CUL5: variants seen among roughly 807,000 people sequenced by gnomAD.
The protein encoded by CUL5 is cullin 5.
Under a neutral mutation model 108.8 loss-of-function variants are expected in CUL5, and 26 were observed. The ratio of observed to expected loss-of-function variants is 0.24; its 90% CI spans 0.18 to 0.33. CUL5 has a LOEUF of 0.33. Ranked by LOEUF, CUL5 falls within the 10% of genes least tolerant of loss-of-function variation. CUL5 has a pLI of 1.00. For synonymous variants in CUL5, 334 were observed against 298.0 expected (o/e 1.12, Z -1.25); for missense variants, 524 against 909.2 (o/e 0.58, Z 5.45).
At chr11:108,048,397 G>A (rs7947410) in intron 3 of CUL5, among the ~76,000 whole-genome samples, 90,164 of 152,060 alleles carry the variant, frequency 0.59, 28,175 homozygotes, top group East Asian at 0.9. Context: ...TAATGCAGCA[G>A]CAGTGGGCTG....
At chr11:108,034,527 CA>C (rs1362823080) in intron 2 of CUL5, among the ~76,000 whole-genome samples, 1 of 152,154 alleles carries the variant, frequency 6.6e-6, no homozygotes. Context: ...GATGCAGTCT[CA>C]GGGGTGCTGG....
intron 9 of CUL5, among the ~76,000 whole-genome samples, chr11:108,073,163 C>CT (rs1863865161): frequency 6.6e-6 from 1 of 150,420 alleles, no homozygotes; most frequent in Non-Finnish European, 1.5e-5. Flanking sequence ...GAAGGTGCCA[C>CT]TGCACTCCAG....
rs767387694 is a variant in CUL5, at chr11:108,009,339, G to T, written c.-10G>T. On this transcript the variant is annotated 5_prime_UTR_variant, in exon 1 of 19. Coordinates refer to ENST00000393094, the MANE Select transcript of CUL5 (RefSeq NM_003478.6). The stretch of plus-strand genomic sequence containing the variant: ...CTCGCGTCGTCTCGCGAGAGTCCAA[G>T]TTAAAGAACATGGCGACGTCTAATC... 1.9e-6 allele frequency: 3 copies of T among 1,613,626 alleles called. No individual in the cohort carries two copies. The highest frequency in any genetic ancestry group is 1.7e-5 in the Admixed American group (1 of 59,996).
chr11:108,055,581 A>G (rs1863353232), intron 7 of CUL5, among the ~76,000 whole-genome samples: 1 of 151,880 alleles, frequency 6.6e-6, no homozygotes, highest in African/African-American at 2.4e-5. Flanking sequence ...AGTAGCTGGG[A>G]CTACAGGCAC....
Position 108,026,493 on chromosome 11 carries a change from G to T in CUL5, c.25-7309G>T, listed in dbSNP as rs1862454163. On this transcript the variant is annotated intron_variant, in intron 1 of 18. Coordinates refer to ENST00000393094, the MANE Select transcript of CUL5 (RefSeq NM_003478.6). ...TCAGAGTCGTACGACATCTATCCTT[G>T]TACCAGCACCTACATGTACATTCTT... Among the ~76,000 whole-genome samples the T allele has an allele frequency of 4.6e-5, 7 of 152,034 alleles. No individual in the cohort carries two copies. The South Asian group carries it at 1.4e-3, about 31-fold the overall frequency.
At chr11:108,100,351 T>A (rs71464788) in intron 18 of CUL5, among the ~76,000 whole-genome samples, 15,335 of 151,894 alleles carry the variant, frequency 0.1, 1,007 homozygotes, top group Non-Finnish European at 0.15. Flanking sequence ...AAGACCAGCC[T>A]AGCCAACATG....
intron 1 of CUL5, among the ~76,000 whole-genome samples, chr11:108,025,938 C>G (rs1381611692): frequency 6.6e-6 from 1 of 152,118 alleles, no homozygotes; most frequent in Non-Finnish European, 1.5e-5. Context: ...GCGCTCACCT[C>G]ATTTGTTTTT....
intron 18 of CUL5, among the ~76,000 whole-genome samples, chr11:108,100,929 T>C (rs1864645752): frequency 6.6e-6 from 1 of 152,038 alleles, no homozygotes; most frequent in African/African-American, 2.4e-5. Flanking sequence ...CCCAGGAGGC[T>C]GAGGCAGGGG....
At chr11:108,011,953 ACT>A (rs1191930157) in intron 1 of CUL5, among the ~76,000 whole-genome samples, 1 of 151,864 alleles carries the variant, frequency 6.6e-6, no homozygotes, top group African/African-American at 2.4e-5. Flanking sequence ...TTGGAATTTG[ACT>A]CTAATAATTT....
chr11:108,030,458 A>T (rs1862552094), intron 1 of CUL5, among the ~76,000 whole-genome samples: 1 of 152,130 alleles, frequency 6.6e-6, no homozygotes, highest in Non-Finnish European at 1.5e-5. Context: ...ATGAACACAG[A>T]GAAACCCCGT....
chr11:108,082,932 T>G (rs1325295047), intron 11 of CUL5, among the ~76,000 whole-genome samples: 1 of 152,196 alleles, frequency 6.6e-6, no homozygotes, highest in African/African-American at 2.4e-5. Flanking sequence ...CAACCACAAA[T>G]AATTTTTATG....
intron 1 of CUL5, among the ~76,000 whole-genome samples, chr11:108,013,518 CT>C (rs1370086010): frequency 6.6e-6 from 1 of 152,136 alleles, no homozygotes; most frequent in Non-Finnish European, 1.5e-5. Flanking sequence ...TGCGTACACA[CT>C]CCTACTTAGC....
chr11:108,088,208 T>C (rs1259280947), intron 11 of CUL5, among the ~76,000 whole-genome samples: 2 of 152,124 alleles, frequency 1.3e-5, no homozygotes, highest in Non-Finnish European at 2.9e-5. Context: ...TCTAAAGTAT[T>C]TTAACAGATT....
chr11:108,099,574 T>C (rs1217541902), intron 18 of CUL5, among the ~76,000 whole-genome samples: 2 of 152,214 alleles, frequency 1.3e-5, no homozygotes, highest in Non-Finnish European at 2.9e-5. Flanking sequence ...AGCTCTTTTT[T>C]TGTTGCTAAA....
At chr11:108,096,999 C>G (rs1864518777) in intron 16 of CUL5, among the ~76,000 whole-genome samples, 1 of 152,114 alleles carries the variant, frequency 6.6e-6, no homozygotes, top group Admixed American at 6.6e-5. Context: ...TTTATTACTA[C>G]TCCATAGACC....
At chr11:108,071,139 C>T (rs762931440) in intron 8 of CUL5, among the ~76,000 whole-genome samples, 7 of 152,082 alleles carry the variant, frequency 4.6e-5, no homozygotes, top group African/African-American at 4.8e-5. Flanking sequence ...TAGTTGCTTT[C>T]GTAATTATTA....
intron 1 of CUL5, among the ~76,000 whole-genome samples, chr11:108,028,464 C>T (rs1862501902): frequency 6.6e-6 from 1 of 152,202 alleles, no homozygotes; most frequent in Non-Finnish European, 1.5e-5. Flanking sequence ...GCTTCCTAAT[C>T]CTACACCCAG....
In CUL5 at chr11:108,106,650, A is replaced by C. The variant is rs1424166237; in HGVS notation, c.*2266A>C. On this transcript the variant is annotated 3_prime_UTR_variant, in exon 19 of 19. Transcript: ENST00000393094. ...GCCATTGTTAAATTTTCTTTAAGTA[A>C]TTTAACAACAGATTTGCTAATTTAA... is the stretch of plus-strand genomic sequence containing the variant. 1 of 150,856 alleles carries C rather than the reference A, an allele frequency of 6.6e-6. No individual in the cohort carries two copies. The highest frequency in any genetic ancestry group is 1.5e-5 in the Non-Finnish European group (1 of 67,742). 9.3% of individuals were successfully genotyped at this position (150,856 alleles called of 1,614,324 possible).
rs777109197 is a variant in CUL5, at chr11:108,009,379, CCCTCACT to C, written c.24+10_24+16del. ...GACGTCTAATCTGTTAAAGGTAAGA[CCCTCACT>C]CCAGCTTGGGTTTTACTGTGTGGCC... On this transcript the variant is annotated splice_region_variant and intron_variant, in intron 1 of 18. Coordinates refer to ENST00000393094, the MANE Select transcript of CUL5 (RefSeq NM_003478.6). 4 of 1,613,496 alleles carry C rather than the reference CCCTCACT, an allele frequency of 2.5e-6. No individual in the cohort carries two copies. Among genetic ancestry groups the C allele is most frequent in the Non-Finnish European group, 2.5e-6 (3 of 1,179,710 alleles).
Sources: allele counts gnomAD v4.1 joint callset (sites outside exome capture counted in the v4.1 genomes callset), GRCh38; gene constraint gnomAD v4.1.1; transcripts MANE v1.5; gene names NCBI Gene and HGNC (gene_info 2026-07-23, HGNC 2026-07-21).